SPON1: variants seen among roughly 807,000 people sequenced by gnomAD.
The protein encoded by SPON1 is spondin-1.
A neutral mutation model predicts 111.7 loss-of-function variants in SPON1; 52 were observed. The observed-to-expected ratio is 0.47, with a 90% CI of 0.37 to 0.59. The LOEUF (loss-of-function observed/expected upper bound fraction) is 0.59. Among genes scored for constraint, SPON1 ranks in the 20% least tolerant of loss-of-function variants. The pLI is 0.00. For synonymous variants in SPON1, 410 were observed against 395.8 expected (o/e 1.04, Z -0.43); for missense variants, 957 against 1,068.5 (o/e 0.90, Z 1.46).
intron 2 of SPON1, among the ~76,000 whole-genome samples, chr11:14,041,245 G>C (rs1279733511): frequency 1.3e-5 from 2 of 152,112 alleles, no homozygotes; most frequent in Non-Finnish European, 2.9e-5. Flanking sequence ...AAATAAGCAA[G>C]ATCATCACCT....
chr11:14,213,127 A>G (rs73426164), intron 6 of SPON1, among the ~76,000 whole-genome samples: 9,328 of 152,246 alleles, frequency 0.061, 978 homozygotes, highest in African/African-American at 0.21. Context: ...GACAAACACC[A>G]TGACCCAGAC....
At chr11:14,241,461 G>A (rs1554939679) in intron 6 of SPON1, among the ~76,000 whole-genome samples, 1 of 152,208 alleles carries the variant, frequency 6.6e-6, no homozygotes, top group African/African-American at 2.4e-5. Context: ...GGGGTGGCCA[G>A]AGGGGAGACT....
chr11:14,124,372 T>C (rs1452291547), intron 5 of SPON1, among the ~76,000 whole-genome samples: 1 of 152,230 alleles, frequency 6.6e-6, no homozygotes, highest in Non-Finnish European at 1.5e-5. Context: ...TGCCATCTCC[T>C]CCAGGACACC....
chr11:14,084,088 G>A (rs1039365465), intron 5 of SPON1, among the ~76,000 whole-genome samples: 9 of 151,972 alleles, frequency 5.9e-5, no homozygotes, highest in Non-Finnish European at 1.0e-4. Flanking sequence ...CTCAAAGGCA[G>A]AGATCTAATG....
At chr11:14,260,438 T>C (rs573253882) in intron 13 of SPON1, 150 bp from the exon 14 acceptor site, 244 of 765,324 alleles carry the variant, frequency 3.2e-4, no homozygotes, top group Non-Finnish European at 4.3e-4. Context: ...TCTTGCTCCA[T>C]AGATTTCACT....
chr11:13,975,447 A>G (rs1355881381), intron 1 of SPON1, among the ~76,000 whole-genome samples: 1 of 152,232 alleles, frequency 6.6e-6, no homozygotes, highest in Non-Finnish European at 1.5e-5. Flanking sequence ...GTAAAGTGGT[A>G]TGCTAGATGC....
At chr11:14,073,742 A>T (rs571798193) in intron 3 of SPON1, among the ~76,000 whole-genome samples, 20 of 152,238 alleles carry the variant, frequency 1.3e-4, no homozygotes, top group African/African-American at 4.8e-4. Context: ...ACTTTCTCCT[A>T]CTATGCTGTA....
At chr11:14,007,106 G>C (rs1848368171) in intron 2 of SPON1, among the ~76,000 whole-genome samples, 1 of 152,106 alleles carries the variant, frequency 6.6e-6, no homozygotes, top group African/African-American at 2.4e-5. Flanking sequence ...GGATAAAACT[G>C]TTCTACCTCA....
intron 5 of SPON1, among the ~76,000 whole-genome samples, chr11:14,098,312 C>A (rs949651574): frequency 6.6e-6 from 1 of 152,258 alleles, no homozygotes. Flanking sequence ...GCCATTTCAG[C>A]GCTTATTGAT....
chr11:14,245,690 C>T (rs1269239523), intron 7 of SPON1, among the ~76,000 whole-genome samples: 1 of 152,098 alleles, frequency 6.6e-6, no homozygotes, highest in Non-Finnish European at 1.5e-5. Flanking sequence ...ACAGCTGGCC[C>T]AGCGCAGCCC....
intron 6 of SPON1, among the ~76,000 whole-genome samples, chr11:14,210,576 T>C (rs944288271): frequency 6.6e-6 from 1 of 151,800 alleles, no homozygotes; most frequent in Non-Finnish European, 1.5e-5. Context: ...ATTTTTATAG[T>C]TTTAGTAGAG....
intron 2 of SPON1, among the ~76,000 whole-genome samples, chr11:14,002,309 A>G (rs1317883357): frequency 6.6e-6 from 1 of 152,052 alleles, no homozygotes; most frequent in Non-Finnish European, 1.5e-5. Context: ...AGAGAATCTG[A>G]TTCTGTGCAC....
Position 14,228,852 on chromosome 11 carries a change from G to T in SPON1, c.826-14480G>T, listed in dbSNP as rs1306568329. On this transcript the variant is annotated intron_variant, in intron 6 of 15. Coordinates refer to ENST00000576479, the MANE Select transcript of SPON1 (RefSeq NM_006108.4). The surrounding 1 kb of genome is among the most constrained non-coding windows in gnomAD (Gnocchi z 4.2). ...TGAACTGCCTGGTGATGCTTGACTA[G>T]ATCTTTGAGATGATCCTTAATATGT... 1.3e-5 allele frequency among the ~76,000 whole-genome samples: 2 copies of T among 152,146 alleles called. No homozygotes were observed. The highest frequency in any genetic ancestry group is 4.8e-5 in the African/African-American group (2 of 41,430).
chr11:14,072,448 C>T (rs1848884309), intron 3 of SPON1, among the ~76,000 whole-genome samples: 7 of 151,946 alleles, frequency 4.6e-5, no homozygotes, highest in Admixed American at 4.6e-4. Context: ...CCCCTATTTA[C>T]AGTAGGAGGA....
intron 6 of SPON1, among the ~76,000 whole-genome samples, chr11:14,155,928 T>A (rs1364613335): frequency 2.3e-5 from 3 of 133,094 alleles, no homozygotes; most frequent in East Asian, 4.8e-4. Context: ...GTTCCAAGTC[T>A]TTGCTATTGT....
intron 10 of SPON1, 39 bp from the exon 11 acceptor site, chr11:14,257,676 CA>C: frequency 6.4e-7 from 1 of 1,550,698 alleles, no homozygotes; most frequent in Non-Finnish European, 8.7e-7. Context: ...TGGCAGCTCC[CA>C]TAGGTTCCCA....
At chr11:14,030,911 T>C (rs1339549920) in intron 2 of SPON1, among the ~76,000 whole-genome samples, 1 of 152,242 alleles carries the variant, frequency 6.6e-6, no homozygotes, top group Non-Finnish European at 1.5e-5. Context: ...CACTCATATG[T>C]TCATTACAGT....
At chr11:14,196,287 T>C (rs150510058) in intron 6 of SPON1, among the ~76,000 whole-genome samples, 1 of 151,964 alleles carries the variant, frequency 6.6e-6, no homozygotes, top group African/African-American at 2.4e-5. Context: ...AAACAGAAAG[T>C]AGATTAGTGG....
At chr11:14,109,728 C>G (rs1266807086) in intron 5 of SPON1, among the ~76,000 whole-genome samples, 1 of 152,144 alleles carries the variant, frequency 6.6e-6, no homozygotes, top group East Asian at 1.9e-4. Flanking sequence ...TGTAACTACC[C>G]TTTGTTCATT....
Sources: gnomAD v4.1 joint callset for allele counts (sites outside exome capture counted in the v4.1 genomes callset) on GRCh38, gnomAD v4.1.1 for gene constraint, Gnocchi (gnomAD v3.1) non-coding constraint, MANE v1.5 for transcripts, NCBI Gene and HGNC (gene_info 2026-07-23, HGNC 2026-07-21) for gene names.